TXLNG: variants seen among roughly 807,000 people sequenced by gnomAD.
TXLNG encodes gamma-taxilin.
In TXLNG, 5 loss-of-function variants were observed where a neutral mutation model predicts 38.8. That is an observed-to-expected ratio of 0.13 (90% CI 0.07 to 0.27). TXLNG has a LOEUF of 0.27. Among genes scored for constraint, TXLNG ranks in the 10% least tolerant of loss-of-function variants. The pLI, the probability that TXLNG is intolerant of heterozygous loss-of-function variation, is 1.00. For synonymous variants in TXLNG, 182 were observed against 158.2 expected, an observed-to-expected ratio of 1.15 and a Z score of -1.13; for missense variants, 393 against 398.2, an observed-to-expected ratio of 0.99 and a Z score of 0.11.
intron 1 of TXLNG, among the ~76,000 whole-genome samples, chrX:16,786,858 G>A (rs942554765): frequency 9.0e-5 from 10 of 110,692 alleles, no homozygotes; most frequent in African/African-American, 3.0e-4. Context: ...TTCTAAGGGA[G>A]AAGGGGTGCG....
At chrX:16,822,931 G>T (rs868859831) in intron 3 of TXLNG, among the ~76,000 whole-genome samples, 2 of 111,830 alleles carry the variant, frequency 1.8e-5, no homozygotes, top group Non-Finnish European at 3.8e-5. Context: ...CACACTTGAA[G>T]TAGCAGGGGT....
intron 6 of TXLNG, among the ~76,000 whole-genome samples, chrX:16,833,124 T>G (rs1929472780): frequency 8.9e-6 from 1 of 112,293 alleles, no homozygotes; most frequent in Admixed American, 9.5e-5. Flanking sequence ...GTGATTCAGT[T>G]TAACAACAAG....
At chrX:16,795,590 C>T (rs774370706) in intron 1 of TXLNG, among the ~76,000 whole-genome samples, 3 of 111,581 alleles carry the variant, frequency 2.7e-5, no homozygotes, top group Non-Finnish European at 5.6e-5. Flanking sequence ...CATTTACCTA[C>T]TAATGGTTCT....
intron 8 of TXLNG, 84 bp downstream of exon 8, chrX:16,837,769 T>G: frequency 1.4e-6 from 1 of 730,650 alleles, no homozygotes; most frequent in Non-Finnish European, 2.0e-6. Context: ...TTGCTGAGTT[T>G]CCTTTGTTAT....
Position 16,842,076 on chromosome X carries a change from G to T in TXLNG, c.*310G>T. The stretch of plus-strand genomic sequence containing the variant: ...TCCTAATGAAAATTTCACTGACAGG[G>T]CCGACCATTACAAGGGAACTTTGTT... On this transcript the variant is annotated 3_prime_UTR_variant, in exon 10 of 10. Transcript: ENST00000380122. 1 of 214,204 alleles carries T rather than the reference G, an allele frequency of 4.7e-6. No individual in the cohort carries two copies. Among genetic ancestry groups the T allele is most frequent in the East Asian group, 8.7e-5 (1 of 11,525 alleles). The allele number at this position is 214,204 out of a possible 1,213,427, so 17.7% of individuals were successfully genotyped here.
intron 5 of TXLNG, 91 bp from the exon 6 acceptor site, chrX:16,832,532 G>C: frequency 9.0e-7 from 1 of 1,113,591 alleles, no homozygotes; most frequent in Non-Finnish European, 1.2e-6. Flanking sequence ...GAACAGCAGG[G>C]TGAGCAGGGT....
chrX:16,814,035 A>C (rs1449911739), intron 1 of TXLNG, among the ~76,000 whole-genome samples: 1 of 110,931 alleles, frequency 9.0e-6, no homozygotes, highest in Non-Finnish European at 1.9e-5. Context: ...GCAGTGAGCC[A>C]AGATCACGCC....
Position 16,843,496 on chromosome X carries a change from C to T in TXLNG, c.*1730C>T, listed in dbSNP as rs1602410008. ...CCTCCAACAGCCTCTTAGGAGTACA[C>T]CCTGTTCTGCTACTAAAATACTAGA... On this transcript the variant is annotated 3_prime_UTR_variant, in exon 10 of 10. Coordinates refer to ENST00000380122, the MANE Select transcript of TXLNG (RefSeq NM_018360.3). The T allele has an allele frequency of 8.9e-6, 1 of 112,048 alleles. No homozygotes were observed. The highest frequency in any genetic ancestry group is 1.9e-5 in the Non-Finnish European group (1 of 53,200). 9.2% of individuals were successfully genotyped at this position (112,048 alleles called of 1,213,427 possible).
intron 9 of TXLNG, among the ~76,000 whole-genome samples, chrX:16,841,092 T>A (rs748143021): frequency 1.3e-4 from 14 of 106,493 alleles, no homozygotes; most frequent in Non-Finnish European, 2.7e-4. Flanking sequence ...TTACTCGGGA[T>A]GCTGAGGCAG....
At chrX:16,837,870 T>C (rs1929650005) in intron 8 of TXLNG, among the ~76,000 whole-genome samples, 185 bp downstream of exon 8, 1 of 111,910 alleles carries the variant, frequency 8.9e-6, no homozygotes, top group Non-Finnish European at 1.9e-5. Flanking sequence ...ATGTTCTCTA[T>C]GCTCTTAGAA....
chrX:16,821,476 A>T (rs1441880629), intron 3 of TXLNG, among the ~76,000 whole-genome samples: 3 of 112,058 alleles, frequency 2.7e-5, no homozygotes, highest in African/African-American at 9.7e-5. Context: ...CTGCCATCCT[A>T]TTTGAATTGA....
chrX:16,826,903 C>T (rs2147489403), intron 3 of TXLNG, among the ~76,000 whole-genome samples: 1 of 104,751 alleles, frequency 9.5e-6, no homozygotes, highest in South Asian at 4.4e-4. Flanking sequence ...TGCACTCCAG[C>T]CTGGGCAACT....
intron 5 of TXLNG, among the ~76,000 whole-genome samples, chrX:16,830,653 A>G (rs1372398469): frequency 9.4e-6 from 1 of 106,590 alleles, no homozygotes; most frequent in Non-Finnish European, 1.9e-5. Flanking sequence ...TCTTGTTTTC[A>G]ACTCAAACTT....
intron 1 of TXLNG, among the ~76,000 whole-genome samples, chrX:16,787,094 A>G (rs1426640730): frequency 1.8e-5 from 2 of 112,639 alleles, no homozygotes; most frequent in African/African-American, 6.4e-5. Context: ...TTGCGCAGTA[A>G]GATAACCGCG....
chrX:16,833,360 A>G (rs1264104245), intron 6 of TXLNG, among the ~76,000 whole-genome samples: 1 of 112,232 alleles, frequency 8.9e-6, no homozygotes, highest in African/African-American at 3.2e-5. Flanking sequence ...GTATATTACC[A>G]TGTGCAAATT....
intron 1 of TXLNG, among the ~76,000 whole-genome samples, chrX:16,790,093 C>T (rs1422959470): frequency 3.6e-5 from 4 of 110,555 alleles, no homozygotes; most frequent in Admixed American, 2.9e-4. Flanking sequence ...CCACTGCGCC[C>T]GACCCTTATC....
At chrX:16,830,964 C>G (rs1310850682) in intron 5 of TXLNG, among the ~76,000 whole-genome samples, 1 of 106,986 alleles carries the variant, frequency 9.3e-6, no homozygotes, top group Admixed American at 1.0e-4. Context: ...TCTTGGCTCC[C>G]CAAAGTGCTG....
intron 3 of TXLNG, among the ~76,000 whole-genome samples, chrX:16,824,954 A>G (rs1443911425): frequency 2.7e-5 from 3 of 110,188 alleles, no homozygotes; most frequent in African/African-American, 9.9e-5. Context: ...AGACGACATT[A>G]CAAACTGGGG....
At chrX:16,804,159 A>G (rs1169169899) in intron 1 of TXLNG, among the ~76,000 whole-genome samples, 3 of 112,163 alleles carry the variant, frequency 2.7e-5, no homozygotes, top group African/African-American at 6.5e-5. Context: ...ATATTGGCTT[A>G]TACAGTGTAT....
Sources: allele counts gnomAD v4.1 joint callset (sites outside exome capture counted in the v4.1 genomes callset), GRCh38; gene constraint gnomAD v4.1.1; transcripts MANE v1.5; gene names NCBI Gene and HGNC (gene_info 2026-07-23, HGNC 2026-07-21).